Variants in DPY19L3 observed in about 807,000 individuals in gnomAD.
DPY19L3 encodes the protein dpy-19 like C-mannosyltransferase 3.
Under a neutral mutation model 92.3 loss-of-function variants are expected in DPY19L3, and 51 were observed. The observed-to-expected ratio is 0.55, with a 90% CI of 0.44 to 0.70. The LOEUF is 0.70. DPY19L3 is among the 30% of genes least tolerant of loss of function. The probability of loss-of-function intolerance (pLI) is 0.00; values close to 1 mark genes in which losing one functional copy is unlikely to be tolerated. For missense variants in DPY19L3, 706 were observed against 855.9 expected (o/e 0.82, Z 2.18); for synonymous variants, 309 against 315.2 (o/e 0.98, Z 0.21).
At chr19:32,429,272 G>A (rs1369876545) in intron 3 of DPY19L3, among the ~76,000 whole-genome samples, 2 of 152,226 alleles carry the variant, frequency 1.3e-5, no homozygotes, top group African/African-American at 4.8e-5. Context: ...TGAATATGAA[G>A]TATTTGTTCG....
chr19:32,428,725 G>A (rs78857284), intron 3 of DPY19L3, among the ~76,000 whole-genome samples: 1,774 of 152,302 alleles, frequency 0.012, 33 homozygotes, highest in African/African-American at 0.04. Flanking sequence ...TGCCTGTGGG[G>A]AATGTGATCA....
intron 3 of DPY19L3, among the ~76,000 whole-genome samples, chr19:32,413,414 A>G (rs1410780381): frequency 1.3e-5 from 2 of 151,872 alleles, no homozygotes; most frequent in East Asian, 3.9e-4. Flanking sequence ...ATCTTTATAC[A>G]AATTATCATA....
At chr19:32,478,666 A>G (rs970713255) in intron 17 of DPY19L3, among the ~76,000 whole-genome samples, 11 of 152,202 alleles carry the variant, frequency 7.2e-5, no homozygotes, top group Non-Finnish European at 1.2e-4. Flanking sequence ...GTGGCATTCT[A>G]CATTCTGCTT....
rs552245311 is a variant in DPY19L3 at position 32,454,066 on chromosome 19, AAAC to A, written c.987+795_987+797del. 2.9e-3 allele frequency among the ~76,000 whole-genome samples: 441 copies of A among 152,316 alleles called. 5 individuals are homozygous for A. The highest frequency in any genetic ancestry group is 0.01 in the African/African-American group (429 of 41,576). On this transcript the variant is annotated intron_variant, in intron 9 of 18. Transcript: ENST00000392250. ...ACAAAGGTTTTTAGTTGACTATCAA[AAAC>A]AACAGTTCACAGTCATCCTTTTAAC... is the stretch of plus-strand genomic sequence containing the variant.
At chr19:32,476,528 CAA>C (rs71176126) in intron 16 of DPY19L3, among the ~76,000 whole-genome samples, 73 of 93,264 alleles carry the variant, frequency 7.8e-4, no homozygotes, top group East Asian at 2.0e-3. Context: ...CTCAGGTTTC[CAA>C]AAAAAAAAAA....
intron 17 of DPY19L3, 109 bp from the exon 18 acceptor site, chr19:32,480,290 C>T (rs1333805152): frequency 1.6e-6 from 2 of 1,269,464 alleles, no homozygotes; most frequent in Non-Finnish European, 1.1e-6. Context: ...GGAGAGAGCA[C>T]CTTGGGTGTT....
Position 32,440,728 on chromosome 19 carries a change from A to G in DPY19L3, c.855+818A>G, listed in dbSNP as rs902548913. On this transcript the variant is annotated intron_variant, in intron 8 of 18. Transcript: ENST00000392250. ...ATGCCAATATGTGTAATTCATTGTC[A>G]TAGCCACAGTTTGCCTTTTAGCTTG... 4.6e-5 allele frequency among the ~76,000 whole-genome samples: 7 copies of G among 152,238 alleles called. No individual in the cohort carries two copies. In the South Asian group the frequency reaches 1.0e-3, roughly 22 times the overall value.
chr19:32,451,622 A>G (rs578046912), intron 8 of DPY19L3, among the ~76,000 whole-genome samples: 2 of 152,228 alleles, frequency 1.3e-5, no homozygotes, highest in Non-Finnish European at 2.9e-5. Context: ...CAGAATGAGT[A>G]TGGCATTGTC....
chr19:32,440,434 T>A (rs1969287006), intron 8 of DPY19L3, among the ~76,000 whole-genome samples: 1 of 152,192 alleles, frequency 6.6e-6, no homozygotes, highest in Non-Finnish European at 1.5e-5. Flanking sequence ...AAAAATATGA[T>A]TTTATGTATT....
chr19:32,437,221 A>G lies in DPY19L3; in HGVS notation c.478A>G (p.Ile160Val), dbSNP rs765846224. The G allele has an allele frequency of 9.9e-6, 16 of 1,613,846 alleles. No homozygotes were observed. The highest frequency in any genetic ancestry group is 1.4e-5 in the Non-Finnish European group (16 of 1,179,968). ...ATATTTAGAGCCAGTTTATTTTTAT[A>G]TTTACACCTTATTTGGGCTCCAGGC... ...QKYLEPVYFY[I>V]YTLFGLQAIY... is the part of the protein sequence containing the mutation. Residue 160 changes from isoleucine (I) to valine (V), a missense_variant, in exon 6 of 19, where the codon ATT becomes GTT. Transcript: ENST00000392250.
intron 8 of DPY19L3, among the ~76,000 whole-genome samples, chr19:32,443,066 CA>C (rs1333965659): frequency 6.6e-6 from 1 of 152,186 alleles, no homozygotes; most frequent in Non-Finnish European, 1.5e-5. Flanking sequence ...CTCTAACCAC[CA>C]CCCAGATGTA....
intron 10 of DPY19L3, 99 bp downstream of exon 10, chr19:32,455,139 T>A: frequency 1.2e-6 from 1 of 800,818 alleles, no homozygotes; most frequent in East Asian, 3.2e-5. Context: ...ATAAACTAAT[T>A]GTTTTAGAGA....
rs533591235 is a variant in DPY19L3, at chr19:32,446,572, A to T, written c.856-6573A>T. 2.6e-5 allele frequency among the ~76,000 whole-genome samples: 4 copies of T among 152,332 alleles called. No individual in the cohort carries two copies. In the South Asian group the frequency reaches 8.3e-4, roughly 32 times the overall value. On this transcript the variant is annotated intron_variant, in intron 8 of 18. Coordinates refer to ENST00000392250, the MANE Select transcript of DPY19L3 (RefSeq NM_001172774.2). ...TCAAAAGAAAGGAGTAGCTATGTTAATATCAGAGAAAGTAGATATCAGAGC... is the reference window on the plus strand; with the variant it reads ...TCAAAAGAAAGGAGTAGCTATGTTATTATCAGAGAAAGTAGATATCAGAGC...
chr19:32,437,392 A>G, intron 6 of DPY19L3, 53 bp downstream of exon 6: 8 of 1,565,968 alleles, frequency 5.1e-6, no homozygotes, highest in African/African-American at 1.4e-5. Flanking sequence ...GTAAAAATGA[A>G]GTCACTTCAT....
intron 16 of DPY19L3, among the ~76,000 whole-genome samples, chr19:32,471,322 T>G (rs957887008): frequency 2.0e-5 from 3 of 152,226 alleles, no homozygotes; most frequent in Non-Finnish European, 4.4e-5. Context: ...TGTCTTCCTG[T>G]CTGCCCTGTT....
intron 6 of DPY19L3, among the ~76,000 whole-genome samples, chr19:32,438,314 T>C (rs1267661979): frequency 6.6e-6 from 1 of 152,184 alleles, no homozygotes; most frequent in African/African-American, 2.4e-5. Context: ...ATGTGTTATA[T>C]GGGTTCTTAG....
intron 4 of DPY19L3, among the ~76,000 whole-genome samples, chr19:32,434,654 G>A (rs1018820368): frequency 4.6e-5 from 7 of 152,204 alleles, no homozygotes; most frequent in Admixed American, 3.9e-4. Flanking sequence ...GCGAGACTCC[G>A]TCTCAAAATA....
At chr19:32,453,554 T>G (rs529307982) in intron 9 of DPY19L3, among the ~76,000 whole-genome samples, 4 of 152,312 alleles carry the variant, frequency 2.6e-5, no homozygotes, top group African/African-American at 7.2e-5. Flanking sequence ...GCCACTGATT[T>G]AAAATTGAAG....
At chr19:32,478,338 C>T (rs984044953) in intron 17 of DPY19L3, among the ~76,000 whole-genome samples, 2 of 152,238 alleles carry the variant, frequency 1.3e-5, no homozygotes, top group Admixed American at 6.5e-5. Context: ...TGCAGAAGAG[C>T]GCATTTGGGA....
Sources: allele counts gnomAD v4.1 joint callset (sites outside exome capture counted in the v4.1 genomes callset), GRCh38; gene constraint gnomAD v4.1.1; transcripts MANE v1.5; gene names NCBI Gene and HGNC (gene_info 2026-07-23, HGNC 2026-07-21).